PRDM16: variants seen among roughly 807,000 people sequenced by gnomAD.
PRDM16 encodes histone-lysine N-methyltransferase PRDM16.
A neutral mutation model predicts 110.6 loss-of-function variants in PRDM16; 23 were observed. The ratio of observed to expected loss-of-function variants is 0.21; its 90% confidence interval spans 0.15 to 0.29. The LOEUF is 0.29. Among genes scored for constraint, PRDM16 ranks in the 10% least tolerant of loss-of-function variants. The pLI, the probability that PRDM16 is intolerant of heterozygous loss-of-function variation, is 1.00. For missense variants in PRDM16, 1,615 were observed against 1,794.3 expected, an observed-to-expected ratio of 0.90 and a Z score of 1.81; for synonymous variants, 799 against 781.8, an observed-to-expected ratio of 1.02 and a Z score of -0.37.
intron 3 of PRDM16, among the ~76,000 whole-genome samples, chr1:3,324,301 T>G (rs1390974004): frequency 6.6e-6 from 1 of 151,890 alleles, no homozygotes; most frequent in Non-Finnish European, 1.5e-5. Context: ...CCGGGCTCAC[T>G]CTCCTCCTCT....
Position 3,090,858 on chromosome 1 carries a change from C to A in PRDM16, c.37+21562C>A, listed in dbSNP as rs538032512. ...ACTCCTGCAGGGTGGGGAGGCAGGACCCTCAGGCTCCGAGCCGAAAGCAGA... is the reference window on the plus strand; with the variant it reads ...ACTCCTGCAGGGTGGGGAGGCAGGAACCTCAGGCTCCGAGCCGAAAGCAGA... On this transcript the variant is annotated intron_variant, in intron 1 of 16. Coordinates refer to ENST00000270722, the MANE Select transcript of PRDM16 (RefSeq NM_022114.4). Among the ~76,000 whole-genome samples the A allele has an allele frequency of 7.2e-5, 11 of 152,318 alleles. No individual in the cohort carries two copies. The East Asian group carries it at 2.1e-3, about 29-fold the overall frequency.
At position 3,164,751 on chromosome 1, in the gene PRDM16, G is replaced by A. The variant is rs115310915; in HGVS notation, c.38-21374G>A. ...GCGTGATCATGGGGTCAGGTGTCCC[G>A]GCAGCAGTGCAGGGGAGGGGCTGTG... On this transcript the variant is annotated intron_variant, in intron 1 of 16. Transcript: ENST00000270722. Among the ~76,000 whole-genome samples the A allele has an allele frequency of 3.8e-3, 577 of 152,258 alleles. 3 individuals carry two copies. Among genetic ancestry groups the A allele is most frequent in the African/African-American group, 0.013 (535 of 41,544 alleles).
At chr1:3,094,160 G>C (rs1642338738) in intron 1 of PRDM16, among the ~76,000 whole-genome samples, 1 of 152,214 alleles carries the variant, frequency 6.6e-6, no homozygotes, top group Non-Finnish European at 1.5e-5. Context: ...ACGCAGGGCA[G>C]AGCTGGGGAG....
At chr1:3,291,419 G>A (rs1251377554) in intron 3 of PRDM16, among the ~76,000 whole-genome samples, 1 of 152,202 alleles carries the variant, frequency 6.6e-6, no homozygotes, top group African/African-American at 2.4e-5. Flanking sequence ...TTGTCTGCAG[G>A]TTAAGGGAGG....
chr1:3,402,965 A>G lies in PRDM16; in HGVS notation c.851A>G (p.Lys284Arg). The G allele has an allele frequency of 6.2e-7, 1 of 1,611,858 alleles. No individual in the cohort carries two copies. Among genetic ancestry groups the G allele is most frequent in the Non-Finnish European group, 8.5e-7 (1 of 1,179,666 alleles). ...GGGSGQAHEC[K>R]DCERMFPNKY... Reference sequence around the variant, plus strand: ...GGCAGCGGCCAAGCCCACGAGTGCAAGGACTGCGAGCGGATGTTCCCCAAC... The same window carrying G: ...GGCAGCGGCCAAGCCCACGAGTGCAGGGACTGCGAGCGGATGTTCCCCAAC... Residue 284 changes from lysine (K) to arginine (R), a missense_variant, in exon 6 of 17, where the codon AAG (lysine) becomes AGG (arginine). Lys to Arg is a conservative substitution (Grantham distance 26). Around this residue, in one of 5 missense-constraint regions of PRDM16, gnomAD observed 416 missense variants for 467.1 expected, o/e 0.89. Transcript: ENST00000270722.
chr1:3,269,254 C>T (rs762203594), intron 3 of PRDM16, among the ~76,000 whole-genome samples: 3 of 152,188 alleles, frequency 2.0e-5, no homozygotes, highest in Non-Finnish European at 2.9e-5. Context: ...CAGAGGAACA[C>T]AATCCCGGAG....
intron 3 of PRDM16, among the ~76,000 whole-genome samples, chr1:3,372,657 C>T (rs995907520): frequency 5.9e-5 from 9 of 152,350 alleles, no homozygotes; most frequent in Admixed American, 6.5e-5. Flanking sequence ...GCCAAGTCTG[C>T]GGTAACGTGC....
chr1:3,180,618 G>C (rs575438308), intron 1 of PRDM16, among the ~76,000 whole-genome samples: 58 of 150,590 alleles, frequency 3.9e-4, no homozygotes, highest in Non-Finnish European at 8.0e-4. Flanking sequence ...GCCTAGACGA[G>C]GGCAGCCCGG....
chr1:3,143,367 G>A lies in PRDM16; in HGVS notation c.38-42758G>A, dbSNP rs1182259747. 3.9e-5 allele frequency among the ~76,000 whole-genome samples: 6 copies of A among 152,262 alleles called. No individual in the cohort carries two copies. The highest frequency in any genetic ancestry group is 2.1e-4 in the South Asian group (1 of 4,822). On this transcript the variant is annotated intron_variant, in intron 1 of 16. Coordinates refer to ENST00000270722, the MANE Select transcript of PRDM16 (RefSeq NM_022114.4). The surrounding 1 kb of genome is among the most constrained non-coding windows in gnomAD (Gnocchi z 4.5). ...GTAGGGCTCCAAGCACCAGCCCCTC[G>A]CCCCAGTCCCAGCAGGTGGCCTCCC...
intron 3 of PRDM16, among the ~76,000 whole-genome samples, chr1:3,289,273 C>T (rs1350714508): frequency 6.6e-6 from 1 of 152,222 alleles, no homozygotes; most frequent in African/African-American, 2.4e-5. Flanking sequence ...GCCTAGGCCC[C>T]CAGAGATTCC....
At chr1:3,385,485 C>G (rs1294731303) in intron 4 of PRDM16, among the ~76,000 whole-genome samples, 199 bp downstream of exon 4, 1 of 152,190 alleles carries the variant, frequency 6.6e-6, no homozygotes. Context: ...CCCGGGAGGG[C>G]TCCATTGGAG....
chr1:3,411,908 G>A lies in PRDM16; in HGVS notation c.1711G>A (p.Ala571Thr). 1 of 1,613,660 alleles carries A rather than the reference G, an allele frequency of 6.2e-7. No homozygotes were observed. The change falls in exon 9 of 17, where the codon GCA (alanine) becomes ACA (threonine). Residue 571 changes from alanine (A) to threonine (T), a missense_variant. Coordinates refer to ENST00000270722, the MANE Select transcript of PRDM16 (RefSeq NM_022114.4). ...AVSNSSQGTT[A>T]AAGPEEKFES... is the part of the protein sequence containing the mutation. ...CAGCAACAGCAGCCAGGGCACGACG[G>A]CAGCTGCGGGGCCCGAGGAGAAGTT... is the stretch of plus-strand genomic sequence containing the variant.
At chr1:3,324,230 G>A (rs908356933) in intron 3 of PRDM16, among the ~76,000 whole-genome samples, 1 of 152,064 alleles carries the variant, frequency 6.6e-6, no homozygotes, top group African/African-American at 2.4e-5. Flanking sequence ...TCCCACAGTG[G>A]GGCCTGGGGC....
intron 14 of PRDM16, among the ~76,000 whole-genome samples, chr1:3,428,344 A>C (rs1638673145): frequency 6.6e-6 from 1 of 151,160 alleles, no homozygotes; most frequent in Non-Finnish European, 1.5e-5. Flanking sequence ...CCAGGACAGA[A>C]GGCTGTCTCT....
At chr1:3,134,568 C>T (rs1277671519) in intron 1 of PRDM16, among the ~76,000 whole-genome samples, 8 of 151,414 alleles carry the variant, frequency 5.3e-5, no homozygotes, top group Middle Eastern at 3.4e-3. Flanking sequence ...TCCGAGGGCG[C>T]GTGGAGCCCG....
intron 3 of PRDM16, among the ~76,000 whole-genome samples, chr1:3,372,847 G>T (rs1642928584): frequency 6.6e-6 from 1 of 152,230 alleles, no homozygotes; most frequent in Non-Finnish European, 1.5e-5. Flanking sequence ...CAGGGCCACG[G>T]ACGGGGTTCT....
chr1:3,424,077 C>T (rs551051189), intron 12 of PRDM16, among the ~76,000 whole-genome samples: 6 of 152,316 alleles, frequency 3.9e-5, no homozygotes, highest in East Asian at 1.9e-4. Flanking sequence ...CCAGCCCAGC[C>T]GGGTGCCTCT....
intron 3 of PRDM16, among the ~76,000 whole-genome samples, chr1:3,356,021 G>A (rs755051653): frequency 3.9e-5 from 6 of 152,114 alleles, no homozygotes; most frequent in Non-Finnish European, 7.4e-5. Flanking sequence ...TGACAGAGGG[G>A]CCCCTCCGTG....
intron 3 of PRDM16, among the ~76,000 whole-genome samples, chr1:3,297,357 C>A (rs946797400): frequency 6.7e-6 from 1 of 149,682 alleles, no homozygotes; most frequent in Non-Finnish European, 1.5e-5. Flanking sequence ...GATCTTGGCT[C>A]GCTGCAACCT....
Sources: allele counts gnomAD v4.1 joint callset (sites outside exome capture counted in the v4.1 genomes callset), GRCh38; gene constraint gnomAD v4.1.1; regional missense constraint gnomAD v4.1.1; non-coding constraint Gnocchi (gnomAD v3.1); transcripts MANE v1.5; gene names NCBI Gene and HGNC (gene_info 2026-07-23, HGNC 2026-07-21).